Variants in FMN1 observed in about 807,000 individuals in gnomAD.
FMN1 encodes formin-1.
FMN1 carries 110 observed loss-of-function variants against 132.4 expected under a neutral mutation model. The observed-to-expected ratio is 0.83, with a 90% confidence interval of 0.71 to 0.97. The LOEUF (loss-of-function observed/expected upper bound fraction) is 0.97. Ranked by LOEUF, FMN1 falls within the 50% of genes least tolerant of loss-of-function variation. FMN1 has a pLI of 0.00. For missense variants in FMN1, 1,792 were observed against 1,705.3 expected (o/e 1.05, Z -0.90); for synonymous variants, 722 against 651.7 (o/e 1.11, Z -1.64).
intron 16 of FMN1, among the ~76,000 whole-genome samples, chr15:32,884,794 T>C (rs949086666): frequency 1.3e-5 from 2 of 152,210 alleles, no homozygotes; most frequent in Admixed American, 1.3e-4. Flanking sequence ...ATATGGAACA[T>C]GTTCCCAAGC....
chr15:32,854,628 A>G (rs2059082238), intron 17 of FMN1, among the ~76,000 whole-genome samples: 1 of 152,106 alleles, frequency 6.6e-6, no homozygotes, highest in Non-Finnish European at 1.5e-5. Flanking sequence ...TCAGGAGCTG[A>G]TTGGCCGGGC....
intron 7 of FMN1, among the ~76,000 whole-genome samples, chr15:32,980,403 T>C (rs907319161): frequency 6.6e-6 from 1 of 152,170 alleles, no homozygotes; most frequent in African/African-American, 2.4e-5. Flanking sequence ...TTTATATATC[T>C]GGGTTTTATT....
intron 15 of FMN1, 108 bp downstream of exon 15, chr15:32,898,726 T>C: frequency 1.4e-6 from 1 of 720,140 alleles, no homozygotes; most frequent in South Asian, 1.7e-5. Context: ...AGAGCTCTCA[T>C]ATTCTATGTT....
At chr15:33,007,044 CAG>C (rs146500376) in intron 7 of FMN1, among the ~76,000 whole-genome samples, 96,215 of 151,576 alleles carry the variant, frequency 0.63, 33,859 homozygotes, top group East Asian at 0.88. Flanking sequence ...TCTAAAAGAG[CAG>C]AGTTTTCGTG....
In FMN1 at chr15:32,958,735, C is replaced by A. The variant is rs554826320; in HGVS notation, c.3138+5372G>T. On this transcript the variant is annotated intron_variant, in intron 9 of 20. Coordinates refer to ENST00000616417, the MANE Select transcript of FMN1 (RefSeq NM_001277313.2). ...CGTGAAATGTGCTGAGGGATGAAGA[C>A]CAGCTCTATTTAAGGGATATTCATG... Among the ~76,000 whole-genome samples the A allele has an allele frequency of 3.3e-5, 5 of 152,186 alleles. No individual in the cohort carries two copies. In the South Asian group the frequency reaches 8.3e-4, roughly 25 times the overall value.
chr15:33,102,023 T>A (rs2039312477), intron 4 of FMN1, among the ~76,000 whole-genome samples: 1 of 152,142 alleles, frequency 6.6e-6, no homozygotes, highest in Non-Finnish European at 1.5e-5. Context: ...AAATTTCAAT[T>A]CCTCTACCAA....
chr15:33,126,747 G>A (rs947377398), intron 4 of FMN1, among the ~76,000 whole-genome samples: 2 of 151,936 alleles, frequency 1.3e-5, no homozygotes, highest in Non-Finnish European at 2.9e-5. Context: ...CAGAAACTCG[G>A]GAAAGGAGGG....
intron 19 of FMN1, among the ~76,000 whole-genome samples, chr15:32,795,776 G>A (rs1000082580): frequency 2.0e-5 from 3 of 152,170 alleles, no homozygotes; most frequent in Admixed American, 6.5e-5. Context: ...CAGACTGCAC[G>A]TCTAGAAAGT....
chr15:32,852,453 C>CACT (rs762029810), intron 17 of FMN1, among the ~76,000 whole-genome samples: 28 of 152,054 alleles, frequency 1.8e-4, no homozygotes, highest in Non-Finnish European at 3.2e-4. Flanking sequence ...AATGATAGTT[C>CACT]ACTGTAGCCT....
rs1358206968 is a variant in FMN1, at chr15:33,061,893, AAGAG to A, written c.2161+3060_2161+3063del. On this transcript the variant is annotated intron_variant, in intron 6 of 20. Transcript: ENST00000616417. The stretch of plus-strand genomic sequence containing the variant: ...TTTTCATATGAAATGGAGTGACAGA[AAGAG>A]AGAAAAAAAGTAGAAAGAAACCCTT... 3.3e-5 allele frequency among the ~76,000 whole-genome samples: 5 copies of A among 152,146 alleles called. No individual in the cohort carries two copies. The South Asian group carries it at 1.0e-3, about 31-fold the overall frequency.
chr15:32,983,711 C>T lies in FMN1; in HGVS notation c.2224-14234G>A, dbSNP rs1207208664. 2.0e-5 allele frequency among the ~76,000 whole-genome samples: 3 copies of T among 152,082 alleles called. No homozygotes were observed. In the East Asian group the frequency reaches 5.8e-4, roughly 29 times the overall value. On this transcript the variant is annotated intron_variant, in intron 7 of 20. Transcript: ENST00000616417. ...TCACAGAAAGTAGAGTAAAATGAGT[C>T]CGAAAAGTATCTAAAGCATTACTCA...
chr15:32,777,643 AAC>A lies in FMN1; in HGVS notation c.4131-726_4131-725del, dbSNP rs544837296. Among the ~76,000 whole-genome samples, 343 of 142,688 alleles carry A rather than the reference AAC, an allele frequency of 2.4e-3. 25 individuals are homozygous for A. The highest frequency in any genetic ancestry group is 8.4e-3 in the African/African-American group (324 of 38,408). The allele number at this position is 142,688 out of a possible 152,430, so 93.6% of individuals were successfully genotyped here. A position where few individuals can be genotyped will look rare whatever the true frequency, so the allele number is the denominator to read the frequency against. On this transcript the variant is annotated intron_variant, in intron 19 of 20. Coordinates refer to ENST00000616417, the MANE Select transcript of FMN1 (RefSeq NM_001277313.2). ...CACATTTATATATTACGTATAACAT[AAC>A]ACATTTATATATTACGTATAACATA... is the stretch of plus-strand genomic sequence containing the variant.
chr15:32,846,200 A>C (rs959107266), intron 17 of FMN1, among the ~76,000 whole-genome samples: 53 of 152,348 alleles, frequency 3.5e-4, no homozygotes, highest in Admixed American at 2.9e-3. Flanking sequence ...TAAAATAATA[A>C]AAGTTGTATG....
intron 17 of FMN1, among the ~76,000 whole-genome samples, chr15:32,807,185 G>C (rs2057711939): frequency 1.3e-5 from 2 of 152,182 alleles, no homozygotes. Context: ...AAGATTGAGA[G>C]GCTAATGTTG....
At position 32,893,958 on chromosome 15, in the gene FMN1, A is replaced by G. The variant is rs139587961; in HGVS notation, c.3714+4876T>C. On this transcript the variant is annotated intron_variant, in intron 15 of 20. Coordinates refer to ENST00000616417, the MANE Select transcript of FMN1 (RefSeq NM_001277313.2). ...ATGTCACCCTCAAAGATTCTTCAGG[A>G]TAATTCTTCTGCCACACTAGTACCT... 6.1e-3 allele frequency among the ~76,000 whole-genome samples: 931 copies of G among 152,332 alleles called. 11 individuals carry two copies. The highest frequency in any genetic ancestry group is 0.021 in the African/African-American group (883 of 41,564).
At chr15:33,090,078 C>G (rs149531314) in intron 4 of FMN1, among the ~76,000 whole-genome samples, 1 of 152,220 alleles carries the variant, frequency 6.6e-6, no homozygotes, top group Non-Finnish European at 1.5e-5. Flanking sequence ...ATGTTTCATA[C>G]AGCACTCAAG....
chr15:33,066,558 C>CA (rs1173283531), intron 5 of FMN1: 4 of 1,607,442 alleles, frequency 2.5e-6, no homozygotes, highest in Non-Finnish European at 3.4e-6. Flanking sequence ...TTGGACCGTT[C>CA]AAACACAGCT....
chr15:32,870,084 AGTGTT>A (rs2059480410), intron 16 of FMN1, among the ~76,000 whole-genome samples: 2 of 152,214 alleles, frequency 1.3e-5, no homozygotes, highest in South Asian at 4.1e-4. Flanking sequence ...AGGCCATGGA[AGTGTT>A]GTTTTCTTGG....
At chr15:32,970,270 G>A (rs2031667462) in intron 7 of FMN1, among the ~76,000 whole-genome samples, 1 of 152,156 alleles carries the variant, frequency 6.6e-6, no homozygotes, top group Non-Finnish European at 1.5e-5. Context: ...CCGTTCCTCA[G>A]CATTCAAAGC....
Sources: gnomAD v4.1 joint callset for allele counts (sites outside exome capture counted in the v4.1 genomes callset) on GRCh38, gnomAD v4.1.1 for gene constraint, MANE v1.5 for transcripts, NCBI Gene and HGNC (gene_info 2026-07-23, HGNC 2026-07-21) for gene names.